HDAC8: variants seen among roughly 807,000 people sequenced by gnomAD.
HDAC8 encodes histone deacetylase 8.
HDAC8 carries 1 observed loss-of-function variant against 32.2 expected under a neutral mutation model. The ratio of observed to expected loss-of-function variants is 0.03; its 90% CI spans 0.01 to 0.15. The LOEUF (loss-of-function observed/expected upper bound fraction) is 0.15. HDAC8 is among the 10% of genes least tolerant of loss of function. HDAC8 has a pLI of 1.00. For synonymous variants in HDAC8, 108 were observed against 113.9 expected (o/e 0.95, Z 0.33); for missense variants, 117 against 300.0 (o/e 0.39, Z 4.51).
rs781947791 is a variant in HDAC8, at chrX:72,460,997, T to C, written c.1005+1007A>G. 1.5e-4 allele frequency among the ~76,000 whole-genome samples: 17 copies of C among 112,228 alleles called. No homozygotes were observed. The South Asian group carries it at 5.9e-3, about 39-fold the overall frequency. On this transcript the variant is annotated intron_variant, in intron 9 of 10. Coordinates refer to ENST00000373573, the MANE Select transcript of HDAC8 (RefSeq NM_018486.3). Reference sequence around the variant, plus strand: ...TTGAATGGTTTTTGTGAGATACATATTGTACCTCACCTGAGGTTAGGAGAA... The same window carrying C: ...TTGAATGGTTTTTGTGAGATACATACTGTACCTCACCTGAGGTTAGGAGAA...
chrX:72,349,563 G>A (rs2044119263), intron 10 of HDAC8, among the ~76,000 whole-genome samples: 1 of 112,242 alleles, frequency 8.9e-6, no homozygotes, highest in Non-Finnish European at 1.9e-5. Context: ...AACCTGTTAG[G>A]ATCTTTAAAA....
intron 9 of HDAC8, among the ~76,000 whole-genome samples, chrX:72,383,786 T>C (rs979589992): frequency 2.9e-5 from 3 of 101,994 alleles, no homozygotes; most frequent in Non-Finnish European, 5.9e-5. Flanking sequence ...AGGAGAATGG[T>C]GTGAACCCGG....
intron 7 of HDAC8, among the ~76,000 whole-genome samples, chrX:72,470,860 C>T (rs1434878971): frequency 8.9e-6 from 1 of 112,010 alleles, no homozygotes; most frequent in Non-Finnish European, 1.9e-5. Context: ...GTTTATTGAT[C>T]TTCATATACT....
chrX:72,394,863 C>T lies in HDAC8; in HGVS notation c.1006-43025G>A, dbSNP rs190211004. On this transcript the variant is annotated intron_variant, in intron 9 of 10. Coordinates refer to ENST00000373573, the MANE Select transcript of HDAC8 (RefSeq NM_018486.3). ...TATCTTATTTATTCTCATAAATCCC[C>T]TCCTCCTCTTGTCCTTGATTATTTT... 4.5e-5 allele frequency among the ~76,000 whole-genome samples: 5 copies of T among 111,800 alleles called. No individual in the cohort carries two copies. The East Asian group carries it at 1.4e-3, about 31-fold the overall frequency.
At position 72,355,848 on chromosome X, in the gene HDAC8, C is replaced by T. The variant is rs782669908; in HGVS notation, c.1006-4010G>A. Among the ~76,000 whole-genome samples the T allele has an allele frequency of 1.8e-3, 205 of 112,238 alleles. 3 individuals are homozygous for T. Among genetic ancestry groups the T allele is most frequent in the Admixed American group, 4.9e-3 (52 of 10,610 alleles). On this transcript the variant is annotated intron_variant, in intron 9 of 10. Coordinates refer to ENST00000373573, the MANE Select transcript of HDAC8 (RefSeq NM_018486.3). ...AACCTGAATCCACCAATCCTTTTAT[C>T]CTTGCTTCAACATTTAGTAAGTATC...
intron 4 of HDAC8, among the ~76,000 whole-genome samples, chrX:72,547,901 C>G (rs1556059504): frequency 9.0e-6 from 1 of 111,477 alleles, no homozygotes; most frequent in Non-Finnish European, 1.9e-5. Context: ...GAGTTATCTT[C>G]CTCATCTTTC....
chrX:72,353,658 G>A (rs917196164), intron 9 of HDAC8, among the ~76,000 whole-genome samples: 15 of 111,845 alleles, frequency 1.3e-4, no homozygotes, highest in African/African-American at 4.9e-4. Flanking sequence ...GGAAGAGAAG[G>A]TTTTAAACAG....
chrX:72,522,679 A>G lies in HDAC8; in HGVS notation c.438-27411T>C, dbSNP rs906613314. On this transcript the variant is annotated intron_variant, in intron 4 of 10. Coordinates refer to ENST00000373573, the MANE Select transcript of HDAC8 (RefSeq NM_018486.3). The stretch of plus-strand genomic sequence containing the variant: ...TATATTACTAAAATTGACAACTGCT[A>G]TAAATTGAGGCTTTATTTTTTCAGA... Among the ~76,000 whole-genome samples, 4 of 112,508 alleles carry G rather than the reference A, an allele frequency of 3.6e-5. No homozygotes were observed. The Admixed American group carries it at 3.8e-4, about 11-fold the overall frequency.
At chrX:72,376,917 T>C (rs1433508027) in intron 9 of HDAC8, 2 of 111,541 alleles carry the variant, frequency 1.8e-5, no homozygotes, top group African/African-American at 6.5e-5. Context: ...TTTTCATTCA[T>C]CTTGGAGTAT....
At chrX:72,359,672 T>G (rs2044483229) in intron 9 of HDAC8, among the ~76,000 whole-genome samples, 1 of 111,023 alleles carries the variant, frequency 9.0e-6, no homozygotes, top group Non-Finnish European at 1.9e-5. Flanking sequence ...GGGTGACTGA[T>G]GTAGAGGCAC....
intron 7 of HDAC8, among the ~76,000 whole-genome samples, chrX:72,487,803 C>A (rs1556006866): frequency 1.8e-5 from 2 of 108,195 alleles, no homozygotes; most frequent in Admixed American, 9.9e-5. Context: ...CAAAATAATT[C>A]TCCTTTTACA....
intron 9 of HDAC8, among the ~76,000 whole-genome samples, chrX:72,436,282 C>T (rs890228195): frequency 9.0e-6 from 1 of 111,645 alleles, no homozygotes; most frequent in East Asian, 2.8e-4. Context: ...AATCAAATGT[C>T]TGAAAAATAA....
intron 10 of HDAC8, among the ~76,000 whole-genome samples, chrX:72,351,059 G>A (rs2044163826): frequency 9.0e-6 from 1 of 111,425 alleles, no homozygotes; most frequent in African/African-American, 3.3e-5. Flanking sequence ...GGAAGAGAAT[G>A]CCTGTGAGCC....
At chrX:72,522,219 T>C (rs1212161795) in intron 4 of HDAC8, among the ~76,000 whole-genome samples, 1 of 112,064 alleles carries the variant, frequency 8.9e-6, no homozygotes, top group Non-Finnish European at 1.9e-5. Context: ...GAAGGAAGGG[T>C]TGTTTCAAGA....
In HDAC8 at chrX:72,490,770, A is replaced by G. The variant is rs180940434; in HGVS notation, c.628+159T>C. 6.9e-4 allele frequency among the ~76,000 whole-genome samples: 77 copies of G among 110,977 alleles called. 1 individual carries two copies. Among genetic ancestry groups the G allele is most frequent in the African/African-American group, 2.1e-3 (65 of 30,535 alleles). On this transcript the variant is annotated intron_variant, in intron 6 of 10. Transcript: ENST00000373573. The stretch of plus-strand genomic sequence containing the variant: ...AAGTATAATAAAAAAGAAATTTACA[A>G]AATTATCTCCTATCTGAATGAAAAT...
intron 9 of HDAC8, among the ~76,000 whole-genome samples, chrX:72,402,358 T>G (rs1555967636): frequency 9.1e-6 from 1 of 110,119 alleles, no homozygotes; most frequent in African/African-American, 3.3e-5. Context: ...CACTTATTTC[T>G]GCTCTAATCT....
In HDAC8 at chrX:72,518,697, G is replaced by A. The variant is rs140063250; in HGVS notation, c.438-23429C>T. Among the ~76,000 whole-genome samples the A allele has an allele frequency of 4.9e-3, 547 of 111,236 alleles. 1 individual carries two copies. Among genetic ancestry groups the A allele is most frequent in the African/African-American group, 0.012 (360 of 30,596 alleles). ...TTACAGAATCATATAGAATAGTTTC[G>A]CTGCTCTAGAAATCCCCTGTGCTTT... On this transcript the variant is annotated intron_variant, in intron 4 of 10. Coordinates refer to ENST00000373573, the MANE Select transcript of HDAC8 (RefSeq NM_018486.3).
At chrX:72,524,004 T>C (rs782782982) in intron 4 of HDAC8, among the ~76,000 whole-genome samples, 13 of 112,238 alleles carry the variant, frequency 1.2e-4, no homozygotes, top group Admixed American at 1.0e-3. Flanking sequence ...CAGCCTGTCA[T>C]GTGTTTCTGT....
At chrX:72,476,791 A>G (rs962372013) in intron 7 of HDAC8, among the ~76,000 whole-genome samples, 2 of 111,864 alleles carry the variant, frequency 1.8e-5, no homozygotes, top group African/African-American at 6.5e-5. Flanking sequence ...AATGGCCTCA[A>G]GTCAGGCCCT....
Sources: allele counts gnomAD v4.1 joint callset (sites outside exome capture counted in the v4.1 genomes callset), GRCh38; gene constraint gnomAD v4.1.1; transcripts MANE v1.5; gene names NCBI Gene and HGNC (gene_info 2026-07-23, HGNC 2026-07-21).